PPM1L: variants seen among roughly 807,000 people sequenced by gnomAD.
The protein encoded by PPM1L is protein phosphatase 1L.
In PPM1L, 13 loss-of-function variants were observed where a neutral mutation model predicts 31.4. That is an observed-to-expected ratio of 0.41 (90% CI 0.27 to 0.66). The LOEUF (loss-of-function observed/expected upper bound fraction) is 0.66, where lower values mean the gene tolerates loss of function less well. PPM1L is among the 30% of genes least tolerant of loss of function. PPM1L has a pLI of 0.29. For synonymous variants in PPM1L, 184 were observed against 175.4 expected (o/e 1.05, Z -0.39); for missense variants, 326 against 453.7 (o/e 0.72, Z 2.56).
intron 1 of PPM1L, among the ~76,000 whole-genome samples, chr3:160,876,639 T>A (rs1712522159): frequency 6.6e-6 from 1 of 152,192 alleles, no homozygotes; most frequent in Non-Finnish European, 1.5e-5. Context: ...GAGGAATTGA[T>A]TTACTAGAAA....
rs574891847 is a variant in PPM1L, at chr3:160,772,952, ATTTG to A, written c.399+16252_399+16255del. ...TCCCATTGTATGGATATATATCAAA[ATTTG>A]TTTGTTCATCACTTACTGGACATTT... On this transcript the variant is annotated intron_variant, in intron 1 of 3. Transcript: ENST00000498165. 7.1e-3 allele frequency among the ~76,000 whole-genome samples: 1,084 copies of A among 152,224 alleles called. 21 individuals carry two copies. The highest frequency in any genetic ancestry group is 0.025 in the African/African-American group (1,040 of 41,512).
intron 2 of PPM1L, among the ~76,000 whole-genome samples, chr3:160,967,532 A>C (rs1429023525): frequency 6.6e-6 from 1 of 151,096 alleles, no homozygotes; most frequent in Non-Finnish European, 1.5e-5. Flanking sequence ...CTCTTTTATA[A>C]GGGCACTAAT....
Position 160,840,759 on chromosome 3 carries a change from GGA to G in PPM1L, c.399+84065_399+84066del, listed in dbSNP as rs374281931. ...GAGAGAGAAGGAGAGAGAGAAAGAAGGAGAGAGAGAGAGAAAGAGAGAGAGAG... is the reference window on the plus strand; with the variant it reads ...GAGAGAGAAGGAGAGAGAGAAAGAAGGAGAGAGAGAGAAAGAGAGAGAGAG... On this transcript the variant is annotated intron_variant, in intron 1 of 3. Coordinates refer to ENST00000498165, the MANE Select transcript of PPM1L (RefSeq NM_139245.4). Among the ~76,000 whole-genome samples, 89 of 145,486 alleles carry G rather than the reference GGA, an allele frequency of 6.1e-4. No individual in the cohort carries two copies. In the East Asian group the frequency reaches 0.012, roughly 20 times the overall value.
intron 1 of PPM1L, among the ~76,000 whole-genome samples, chr3:160,904,463 T>C (rs1261118415): frequency 3.3e-5 from 5 of 152,124 alleles, no homozygotes; most frequent in African/African-American, 1.2e-4. Context: ...TTGGTTTTGA[T>C]TGATTGCTGT....
chr3:160,804,274 T>G (rs1391462043), intron 1 of PPM1L, among the ~76,000 whole-genome samples: 2 of 152,138 alleles, frequency 1.3e-5, no homozygotes, highest in African/African-American at 2.4e-5. Flanking sequence ...ACCTCCTCCC[T>G]GTCAAAGAAA....
intron 1 of PPM1L, among the ~76,000 whole-genome samples, chr3:160,812,647 T>A (rs905398334): frequency 9.2e-5 from 14 of 151,914 alleles, no homozygotes; most frequent in African/African-American, 2.4e-4. Flanking sequence ...TCTATGAGAG[T>A]CTGCAAGGCT....
At chr3:161,043,218 C>T (rs188830636) in intron 2 of PPM1L, among the ~76,000 whole-genome samples, 70 of 152,008 alleles carry the variant, frequency 4.6e-4, no homozygotes, top group African/African-American at 1.3e-3. Flanking sequence ...TCCAGGGGTC[C>T]TGGGAGGAGG....
rs1263642784 is a variant in PPM1L at position 160,954,948 on chromosome 3, CTTCCTTCCTTCCT to C, written c.400-6781_400-6769del. 7.4e-3 allele frequency among the ~76,000 whole-genome samples: 410 copies of C among 55,074 alleles called. 3 individuals are homozygous for C. Among genetic ancestry groups the C allele is most frequent in the African/African-American group, 0.024 (358 of 14,692 alleles). The allele number at this position is 55,074 out of a possible 152,430, so 36.1% of individuals were successfully genotyped here. ...CTTTCCTTCCTTCCTTCCTTCCTTC[CTTCCTTCCTTCCT>C]TTCCTTTCCTTTCCTTTCCTTTCCT... On this transcript the variant is annotated intron_variant, in intron 1 of 3. Coordinates refer to ENST00000498165, the MANE Select transcript of PPM1L (RefSeq NM_139245.4).
At chr3:160,856,949 C>T (rs1245436257) in intron 1 of PPM1L, among the ~76,000 whole-genome samples, 3 of 151,868 alleles carry the variant, frequency 2.0e-5, no homozygotes, top group East Asian at 1.9e-4. Flanking sequence ...GTATTTTAGT[C>T]TCTATAGTTT....
At chr3:160,821,470 C>T (rs913758993) in intron 1 of PPM1L, among the ~76,000 whole-genome samples, 2 of 152,078 alleles carry the variant, frequency 1.3e-5, no homozygotes, top group East Asian at 1.9e-4. Flanking sequence ...TTTTCTCTAA[C>T]GTCGTCAAAA....
At chr3:160,922,877 G>A (rs1201857781) in intron 1 of PPM1L, among the ~76,000 whole-genome samples, 1 of 152,082 alleles carries the variant, frequency 6.6e-6, no homozygotes, top group Non-Finnish European at 1.5e-5. Flanking sequence ...TCTCATAAAG[G>A]GTATGATAAA....
chr3:160,997,285 C>G (rs1268664326), intron 2 of PPM1L, among the ~76,000 whole-genome samples: 1 of 152,088 alleles, frequency 6.6e-6, no homozygotes, highest in Non-Finnish European at 1.5e-5. Context: ...CAACAAGGAG[C>G]AGGAGTTGGA....
intron 2 of PPM1L, among the ~76,000 whole-genome samples, chr3:161,025,375 A>G (rs1718349021): frequency 6.6e-6 from 1 of 152,206 alleles, no homozygotes; most frequent in Non-Finnish European, 1.5e-5. Context: ...ACCAGCCTGG[A>G]AAACATAGTA....
At chr3:160,882,161 T>C (rs1712744578) in intron 1 of PPM1L, 1 of 152,208 alleles carries the variant, frequency 6.6e-6, no homozygotes, top group South Asian at 2.1e-4. Context: ...GATCTTAATA[T>C]TAATTTCCCA....
intron 2 of PPM1L, among the ~76,000 whole-genome samples, chr3:161,037,411 G>A (rs1331209797): frequency 1.1e-5 from 1 of 94,780 alleles, no homozygotes; most frequent in Non-Finnish European, 2.0e-5. Flanking sequence ...CCCTACTTGA[G>A]CTTTTTTTTT....
At chr3:160,898,360 A>C (rs1323026405) in intron 1 of PPM1L, among the ~76,000 whole-genome samples, 3 of 152,198 alleles carry the variant, frequency 2.0e-5, no homozygotes, top group African/African-American at 7.2e-5. Context: ...AATAAATGTC[A>C]ACACTGTCAG....
intron 1 of PPM1L, among the ~76,000 whole-genome samples, chr3:160,863,000 T>C (rs1336887684): frequency 6.6e-6 from 1 of 152,190 alleles, no homozygotes; most frequent in African/African-American, 2.4e-5. Context: ...CAGGATCCTT[T>C]GCTAATTTTG....
intron 1 of PPM1L, among the ~76,000 whole-genome samples, chr3:160,858,490 A>T (rs992419203): frequency 6.6e-6 from 1 of 152,034 alleles, no homozygotes; most frequent in African/African-American, 2.4e-5. Flanking sequence ...CAGGTGATCC[A>T]CCCGCCTTGG....
chr3:160,908,534 T>A (rs533901922), intron 1 of PPM1L, among the ~76,000 whole-genome samples: 8 of 152,300 alleles, frequency 5.3e-5, no homozygotes, highest in South Asian at 2.1e-4. Context: ...TCTTTTTTTT[T>A]AAAGTGTATC....
Sources: allele counts gnomAD v4.1 joint callset (sites outside exome capture counted in the v4.1 genomes callset), GRCh38; gene constraint gnomAD v4.1.1; transcripts MANE v1.5; gene names NCBI Gene and HGNC (gene_info 2026-07-23, HGNC 2026-07-21).